Variants in KCNJ6 observed in about 807,000 individuals in gnomAD.
The protein encoded by KCNJ6 is potassium inwardly rectifying channel subfamily J member 6.
Under a neutral mutation model 34.2 loss-of-function variants are expected in KCNJ6, and 9 were observed. The observed-to-expected ratio is 0.26, with a 90% confidence interval of 0.16 to 0.46. The LOEUF (loss-of-function observed/expected upper bound fraction) is 0.46. Ranked by LOEUF, KCNJ6 falls within the 20% of genes least tolerant of loss-of-function variation. The pLI is 1.00. For synonymous variants in KCNJ6, 196 were observed against 207.1 expected (o/e 0.95, Z 0.46); for missense variants, 236 against 531.3 (o/e 0.44, Z 5.46).
At chr21:37,631,891 AACTG>A (rs2054335275) in intron 3 of KCNJ6, among the ~76,000 whole-genome samples, 1 of 152,142 alleles carries the variant, frequency 6.6e-6, no homozygotes, top group African/African-American at 2.4e-5. Context: ...AGGTGCCAAA[AACTG>A]AGAGAGAGCC....
intron 3 of KCNJ6, among the ~76,000 whole-genome samples, chr21:37,682,354 C>A (rs534988530): frequency 6.6e-6 from 1 of 152,144 alleles, no homozygotes; most frequent in Non-Finnish European, 1.5e-5. Context: ...ACTGCCCAGC[C>A]GAGCCAGCAG....
intron 2 of KCNJ6, among the ~76,000 whole-genome samples, chr21:37,736,696 G>A (rs1189895860): frequency 6.6e-6 from 1 of 152,150 alleles, no homozygotes; most frequent in South Asian, 2.1e-4. Flanking sequence ...CAATGCAGGG[G>A]ACTCCTCCAT....
intron 3 of KCNJ6, among the ~76,000 whole-genome samples, chr21:37,707,376 G>T (rs2054725699): frequency 6.6e-6 from 1 of 152,206 alleles, no homozygotes; most frequent in Non-Finnish European, 1.5e-5. Flanking sequence ...TATAGAGGAA[G>T]AGATGATCTG....
intron 2 of KCNJ6, among the ~76,000 whole-genome samples, chr21:37,810,066 A>G (rs1396446270): frequency 6.6e-6 from 1 of 152,252 alleles, no homozygotes; most frequent in African/African-American, 2.4e-5. Flanking sequence ...TCTTACCACC[A>G]GAAATAACAA....
intron 1 of KCNJ6, among the ~76,000 whole-genome samples, chr21:37,860,657 T>C (rs2055590244): frequency 6.6e-6 from 1 of 152,202 alleles, no homozygotes; most frequent in Non-Finnish European, 1.5e-5. Context: ...TTTGACTTTC[T>C]TGCCCAGTCC....
chr21:37,670,064 A>G (rs1051319992), intron 3 of KCNJ6, among the ~76,000 whole-genome samples: 12 of 152,228 alleles, frequency 7.9e-5, no homozygotes, highest in African/African-American at 2.4e-4. Flanking sequence ...TAGAGTTTCA[A>G]CTAATTCTTT....
intron 1 of KCNJ6, among the ~76,000 whole-genome samples, chr21:37,874,769 C>A (rs1375337921): frequency 6.6e-6 from 1 of 152,130 alleles, no homozygotes; most frequent in African/African-American, 2.4e-5. Context: ...TATGTCTGTC[C>A]CTTTTCTGTG....
intron 3 of KCNJ6, among the ~76,000 whole-genome samples, chr21:37,679,349 C>G (rs1410253726): frequency 2.0e-5 from 3 of 152,206 alleles, no homozygotes; most frequent in Non-Finnish European, 4.4e-5. Context: ...ATAACTAATA[C>G]AAAAGCTATG....
chr21:37,813,730 C>G (rs2055333499), intron 2 of KCNJ6, among the ~76,000 whole-genome samples: 1 of 152,148 alleles, frequency 6.6e-6, no homozygotes. Flanking sequence ...ACTCCTATCT[C>G]TCACCATATA....
chr21:37,657,191 C>T (rs781176566), intron 3 of KCNJ6, among the ~76,000 whole-genome samples: 12 of 152,298 alleles, frequency 7.9e-5, no homozygotes, highest in South Asian at 4.2e-4. Context: ...TCTCCTCCAA[C>T]GGCCCTGATC....
intron 2 of KCNJ6, among the ~76,000 whole-genome samples, chr21:37,735,318 G>A (rs968055801): frequency 2.6e-5 from 4 of 152,192 alleles, no homozygotes; most frequent in African/African-American, 9.7e-5. Flanking sequence ...GACAGCCTGA[G>A]GCTGGGATTA....
chr21:37,811,839 G>C (rs2055324292), intron 2 of KCNJ6, among the ~76,000 whole-genome samples: 1 of 152,162 alleles, frequency 6.6e-6, no homozygotes, highest in Non-Finnish European at 1.5e-5. Flanking sequence ...ATATGGCAAT[G>C]CAGACCTAGG....
intron 1 of KCNJ6, among the ~76,000 whole-genome samples, chr21:37,888,809 T>C (rs2055748038): frequency 1.3e-5 from 2 of 152,034 alleles, no homozygotes; most frequent in African/African-American, 2.4e-5. Flanking sequence ...AAAGTTGGAG[T>C]GACAGGTGGG....
intron 1 of KCNJ6, among the ~76,000 whole-genome samples, chr21:37,887,013 C>G (rs1176662657): frequency 1.3e-5 from 2 of 151,752 alleles, no homozygotes. Context: ...CATCCACCCC[C>G]ACTCCCAGGA....
intron 3 of KCNJ6, among the ~76,000 whole-genome samples, chr21:37,686,656 G>A (rs1280977575): frequency 2.0e-5 from 3 of 151,770 alleles, no homozygotes; most frequent in Admixed American, 2.0e-4. Context: ...TTGTAGAGAC[G>A]GGGTTTCAGC....
At chr21:37,905,502 G>A (rs1005439986) in intron 1 of KCNJ6, among the ~76,000 whole-genome samples, 1 of 152,112 alleles carries the variant, frequency 6.6e-6, no homozygotes, top group Non-Finnish European at 1.5e-5. Flanking sequence ...CAACCTATAG[G>A]TGGGTTCCTC....
At chr21:37,809,477 T>C (rs1303773457) in intron 2 of KCNJ6, among the ~76,000 whole-genome samples, 6 of 151,904 alleles carry the variant, frequency 3.9e-5, no homozygotes, top group Non-Finnish European at 8.8e-5. Flanking sequence ...TATACACATG[T>C]AACAAACCTG....
rs71198893 is a variant in KCNJ6 at position 37,769,412 on chromosome 21, TTTATTATTA to T, written c.26-54290_26-54282del. On this transcript the variant is annotated intron_variant, in intron 2 of 3. Transcript: ENST00000609713. ...CTGATCTGGTCCTGTAGCCTTCAAT[TTTATTATTA>T]TTATTATTATTATTATTATTATTAC... Among the ~76,000 whole-genome samples the T allele has an allele frequency of 1.9e-3, 277 of 145,314 alleles. 1 individual carries two copies. Among genetic ancestry groups the T allele is most frequent in the African/African-American group, 5.4e-3 (212 of 39,366 alleles).
chr21:37,727,634 T>C (rs563455372), intron 2 of KCNJ6, among the ~76,000 whole-genome samples: 1 of 152,132 alleles, frequency 6.6e-6, no homozygotes, highest in East Asian at 1.9e-4. Context: ...TAGTCGGGTG[T>C]TTGATAGAAT....
Sources: allele counts gnomAD v4.1 joint callset (sites outside exome capture counted in the v4.1 genomes callset), GRCh38; gene constraint gnomAD v4.1.1; transcripts MANE v1.5; gene names NCBI Gene and HGNC (gene_info 2026-07-23, HGNC 2026-07-21).